Variants in GNA12 observed in about 807,000 individuals in gnomAD.
The protein encoded by GNA12 is guanine nucleotide-binding protein subunit alpha-12.
GNA12 carries 9 observed loss-of-function variants against 26.0 expected under a neutral mutation model. The ratio of observed to expected loss-of-function variants is 0.35; its 90% CI spans 0.21 to 0.60. GNA12 has a LOEUF of 0.60. GNA12 is among the 20% of genes least tolerant of loss of function. The pLI is 0.78. For missense variants in GNA12, 405 were observed against 525.8 expected, an observed-to-expected ratio of 0.77 and a Z score of 2.25; for synonymous variants, 264 against 219.6, an observed-to-expected ratio of 1.20 and a Z score of -1.79.
At position 2,779,145 on chromosome 7, in the gene GNA12, G is replaced by A. The variant is rs369140256; in HGVS notation, c.525+15783C>T. On this transcript the variant is annotated intron_variant, in intron 2 of 3. Transcript: ENST00000275364. ...AGGCCAAGGCGGGTGAATCACTTGA[G>A]CCCAGGAGTTTGACCCCAGCCTGGG... is the stretch of plus-strand genomic sequence containing the variant. 6.6e-5 allele frequency among the ~76,000 whole-genome samples: 10 copies of A among 152,228 alleles called. No homozygotes were observed. In the East Asian group the frequency reaches 7.7e-4, roughly 12 times the overall value.
At chr7:2,781,716 GTACAAAAATAAGC>G (rs1792235211) in intron 2 of GNA12, among the ~76,000 whole-genome samples, 1 of 151,988 alleles carries the variant, frequency 6.6e-6, no homozygotes, top group African/African-American at 2.4e-5. Flanking sequence ...ATGGGTGGGC[GTACAAAAATAAGC>G]TACATGAAAT....
rs1485444324 is a variant in GNA12, at chr7:2,765,542, C to T, written c.525+29386G>A. ...AACTTGAGAGCTTCACTTCCTAATC[C>T]TGTGACTCCAACATTCAATTAAAGG... On this transcript the variant is annotated intron_variant, in intron 2 of 3. Transcript: ENST00000275364. Among the ~76,000 whole-genome samples the T allele has an allele frequency of 1.3e-5, 2 of 152,004 alleles. 1 individual carries two copies. Among genetic ancestry groups the T allele is most frequent in the East Asian group, 3.9e-4 (2 of 5,178 alleles).
intron 2 of GNA12, among the ~76,000 whole-genome samples, chr7:2,780,274 C>T (rs1307124161): frequency 2.6e-5 from 4 of 151,624 alleles, no homozygotes; most frequent in African/African-American, 7.3e-5. Context: ...CAACCCCTAC[C>T]AGTGAATAAT....
intron 1 of GNA12, among the ~76,000 whole-genome samples, chr7:2,815,820 T>C (rs1013981887): frequency 1.3e-5 from 2 of 152,158 alleles, no homozygotes; most frequent in East Asian, 3.9e-4. Flanking sequence ...CCTGATGACG[T>C]CCAATCCCAG....
intron 2 of GNA12, among the ~76,000 whole-genome samples, chr7:2,753,698 G>A (rs753759164): frequency 2.8e-4 from 42 of 152,132 alleles, no homozygotes; most frequent in Non-Finnish European, 5.9e-4. Flanking sequence ...TAGGGTAAAT[G>A]CCCAGGAGTG....
chr7:2,778,229 A>C (rs1792128609), intron 2 of GNA12, among the ~76,000 whole-genome samples: 1 of 152,248 alleles, frequency 6.6e-6, no homozygotes, highest in Non-Finnish European at 1.5e-5. Context: ...AAAAAGTCAT[A>C]ACAACTTAAT....
intron 2 of GNA12, 193 bp downstream of exon 2, chr7:2,794,735 T>A: frequency 1.7e-6 from 1 of 598,324 alleles, no homozygotes; most frequent in Non-Finnish European, 3.0e-6. Context: ...TGGCTCTTGC[T>A]CCTTCCCCTC....
At chr7:2,810,158 A>G (rs1361546561) in intron 1 of GNA12, among the ~76,000 whole-genome samples, 1 of 152,226 alleles carries the variant, frequency 6.6e-6, no homozygotes. Flanking sequence ...GGTGGCTTGA[A>G]CAGCAGAGAT....
chr7:2,749,375 A>G (rs542830707), intron 2 of GNA12, among the ~76,000 whole-genome samples: 3 of 152,280 alleles, frequency 2.0e-5, no homozygotes, highest in South Asian at 2.1e-4. Flanking sequence ...CATGGATGAA[A>G]CTAGAAACCA....
chr7:2,746,767 G>A (rs557526768), intron 2 of GNA12, among the ~76,000 whole-genome samples: 69 of 151,836 alleles, frequency 4.5e-4, no homozygotes, highest in Admixed American at 3.7e-3. Context: ...CTGATAGACC[G>A]CTAGCAAGAC....
intron 1 of GNA12, among the ~76,000 whole-genome samples, chr7:2,842,244 C>A (rs1201984375): frequency 3.3e-5 from 5 of 152,190 alleles, no homozygotes; most frequent in African/African-American, 1.2e-4. Context: ...TCCTCCAGAT[C>A]TTCCTTGAGG....
intron 1 of GNA12, chr7:2,814,878 C>A (rs772299437): frequency 3.9e-5 from 62 of 1,602,018 alleles, no homozygotes; most frequent in Non-Finnish European, 5.3e-5. Flanking sequence ...CTCACTCACA[C>A]GACTGCCAGG....
intron 2 of GNA12, 50 bp from the exon 3 acceptor site, chr7:2,733,551 G>A: frequency 6.9e-7 from 1 of 1,442,402 alleles, no homozygotes; most frequent in Non-Finnish European, 9.7e-7. Flanking sequence ...GAGGAATCCT[G>A]ATGTGGCAAA....
chr7:2,818,277 G>A (rs767541144), intron 1 of GNA12, among the ~76,000 whole-genome samples: 4 of 152,122 alleles, frequency 2.6e-5, no homozygotes, highest in African/African-American at 4.8e-5. Flanking sequence ...GTTTTGGAGC[G>A]CCTCACACAC....
At position 2,744,349 on chromosome 7, in the gene GNA12, T is replaced by C. The variant is rs187000216; in HGVS notation, c.526-10848A>G. Among the ~76,000 whole-genome samples the C allele has an allele frequency of 9.2e-3, 1,407 of 152,284 alleles. 16 individuals are homozygous for C. Among genetic ancestry groups the C allele is most frequent in the African/African-American group, 0.032 (1,330 of 41,538 alleles). ...CCAGAGGAACGATCAGGCAGCAGCA[T>C]TTGTGGGTCACCAATATCCGCTGTT... On this transcript the variant is annotated intron_variant, in intron 2 of 3. Coordinates refer to ENST00000275364, the MANE Select transcript of GNA12 (RefSeq NM_007353.3).
intron 1 of GNA12, among the ~76,000 whole-genome samples, chr7:2,795,930 C>G (rs150704170): frequency 0.013 from 1,902 of 151,812 alleles, 43 homozygotes; most frequent in African/African-American, 0.043. Flanking sequence ...AAGCAATTCT[C>G]CTGCCTCAGC....
In GNA12 at chr7:2,735,062, T is replaced by C. The variant is rs1183298784; in HGVS notation, c.526-1561A>G. ...CCCCCGGTCCTCTGCACATCATGCC[T>C]CCTTCCACACCCTGACAGGAAGCAG... On this transcript the variant is annotated intron_variant, in intron 2 of 3. Transcript: ENST00000275364. Among the ~76,000 whole-genome samples the C allele has an allele frequency of 2.0e-5, 3 of 152,278 alleles. 1 individual carries two copies. The East Asian group carries it at 5.8e-4, about 29-fold the overall frequency.
At chr7:2,732,279 C>A (rs377678627) in intron 3 of GNA12, among the ~76,000 whole-genome samples, 2 of 152,172 alleles carry the variant, frequency 1.3e-5, no homozygotes. Context: ...AGGCCAGGCA[C>A]GGTGGCTCAC....
chr7:2,835,993 A>G, intron 1 of GNA12: 1 of 451,574 alleles, frequency 2.2e-6, no homozygotes, highest in Non-Finnish European at 4.2e-6. Context: ...AAAATTTGGG[A>G]GCAGCATAAA....
Sources: allele counts gnomAD v4.1 joint callset (sites outside exome capture counted in the v4.1 genomes callset), GRCh38; gene constraint gnomAD v4.1.1; transcripts MANE v1.5; gene names NCBI Gene and HGNC (gene_info 2026-07-23, HGNC 2026-07-21).